Variants in ZFAT observed in about 807,000 individuals in gnomAD.
ZFAT encodes the protein zinc finger protein ZFAT.
A neutral mutation model predicts 117.7 loss-of-function variants in ZFAT; 64 were observed. The observed-to-expected ratio is 0.54, with a 90% confidence interval of 0.44 to 0.67. The LOEUF (loss-of-function observed/expected upper bound fraction) is 0.67. ZFAT is among the 30% of genes least tolerant of loss of function. The pLI is 0.00. For synonymous variants in ZFAT, 679 were observed against 615.0 expected, an observed-to-expected ratio of 1.10 and a Z score of -1.54; for missense variants, 1,433 against 1,584.5, an observed-to-expected ratio of 0.90 and a Z score of 1.62.
chr8:134,702,792 C>T (rs1834050685), intron 1 of ZFAT, among the ~76,000 whole-genome samples: 1 of 152,142 alleles, frequency 6.6e-6, no homozygotes, highest in Non-Finnish European at 1.5e-5. Flanking sequence ...CTGCCTCAGC[C>T]TCCCGAGTAG....
the ZFAT span, among the ~76,000 whole-genome samples, chr8:134,763,000 C>T: frequency 5.3e-4 from 80 of 152,262 alleles, no homozygotes; most frequent in Admixed American, 1.9e-3. Flanking sequence ...TATGGACTAC[C>T]ACAACAGTCT....
the ZFAT span, among the ~76,000 whole-genome samples, chr8:134,734,260 C>T: frequency 2.6e-5 from 4 of 152,238 alleles, no homozygotes; most frequent in Middle Eastern, 3.2e-3. Context: ...CCTCAGGATA[C>T]TCCTGCCACT....
chr8:134,575,974 C>T (rs1003842325), intron 10 of ZFAT, among the ~76,000 whole-genome samples: 25 of 152,160 alleles, frequency 1.6e-4, no homozygotes, highest in Non-Finnish European at 3.1e-4. Context: ...CCTGATGATT[C>T]TCTGTAATTA....
At chr8:134,668,879 T>C (rs1291335515) in intron 1 of ZFAT, among the ~76,000 whole-genome samples, 1 of 152,162 alleles carries the variant, frequency 6.6e-6, no homozygotes, top group Non-Finnish European at 1.5e-5. Flanking sequence ...AATGCCTAAC[T>C]AGAATAATGA....
At chr8:134,611,163 G>A (rs1586814290) in intron 3 of ZFAT, among the ~76,000 whole-genome samples, 1 of 152,226 alleles carries the variant, frequency 6.6e-6, no homozygotes, top group Non-Finnish European at 1.5e-5. Context: ...GGCAGTCCAG[G>A]GCAGTCTGCT....
At chr8:134,735,922 T>C in the ZFAT span, among the ~76,000 whole-genome samples, 15 of 152,188 alleles carry the variant, frequency 9.9e-5, no homozygotes, top group African/African-American at 3.1e-4. Context: ...CATTATTGAA[T>C]ATTACCTGTA....
intron 11 of ZFAT, among the ~76,000 whole-genome samples, chr8:134,535,474 TCTCCCCCTCCCCCTCCCC>T (rs1258416425): frequency 1.1e-5 from 1 of 95,078 alleles, no homozygotes; most frequent in Non-Finnish European, 2.1e-5. Flanking sequence ...CAGAGCTCCC[TCTCCCCCTCCCCCTCCCC>T]CTCCCCCTCC....
intron 13 of ZFAT, among the ~76,000 whole-genome samples, chr8:134,519,878 T>C (rs1485048665): frequency 6.6e-6 from 1 of 152,222 alleles, no homozygotes; most frequent in Non-Finnish European, 1.5e-5. Context: ...CTCTTTTTCA[T>C]CAGTGAACAC....
intron 2 of ZFAT, among the ~76,000 whole-genome samples, chr8:134,649,081 C>T (rs1428057441): frequency 1.3e-5 from 2 of 150,832 alleles, no homozygotes; most frequent in Admixed American, 1.3e-4. Context: ...AATCCAACAC[C>T]ATTTTATGAT....
rs567325809 is a variant in ZFAT, at chr8:134,512,355, G to A, written c.3361+120C>T. 306 of 1,439,976 alleles carry A rather than the reference G, an allele frequency of 2.1e-4. 1 individual carries two copies. The East Asian group carries it at 4.6e-3, about 22-fold the overall frequency. The allele number at this position is 1,439,976 out of a possible 1,614,324, so 89.2% of individuals were successfully genotyped here. On this transcript the variant is annotated intron_variant, in intron 14 of 15. Transcript: ENST00000377838. ...ATGGGGCTGCTTCTGCAGTCTGAACGCTGGGTCAGGGATTCGGAAGTAGAT... is the reference window on the plus strand; with the variant it reads ...ATGGGGCTGCTTCTGCAGTCTGAACACTGGGTCAGGGATTCGGAAGTAGAT...
At chr8:134,768,061 A>G in the ZFAT span, among the ~76,000 whole-genome samples, 1 of 152,162 alleles carries the variant, frequency 6.6e-6, no homozygotes. Context: ...TTCTGTATAT[A>G]GGCATACCTT....
the ZFAT span, chr8:134,804,937 TACA>T: frequency 1.9e-6 from 1 of 533,926 alleles, no homozygotes; most frequent in Non-Finnish European, 3.9e-6. Flanking sequence ...CGGGGATGTT[TACA>T]ACAACAGACT....
the ZFAT span, among the ~76,000 whole-genome samples, chr8:134,819,912 G>A: frequency 6.6e-6 from 1 of 152,036 alleles, no homozygotes; most frequent in East Asian, 1.9e-4. Flanking sequence ...CCAAGGTTTT[G>A]TTTCTTTAAA....
chr8:134,553,653 G>T (rs766722505), intron 11 of ZFAT, among the ~76,000 whole-genome samples: 7 of 152,214 alleles, frequency 4.6e-5, no homozygotes, highest in Non-Finnish European at 1.0e-4. Context: ...GTAGAGTCAG[G>T]ACAGTCCTGT....
intron 3 of ZFAT, among the ~76,000 whole-genome samples, chr8:134,636,275 C>A (rs1303630155): frequency 6.6e-6 from 1 of 152,114 alleles, no homozygotes; most frequent in African/African-American, 2.4e-5. Context: ...AACTAAAGGA[C>A]CCTAAACAAA....
intron 10 of ZFAT, among the ~76,000 whole-genome samples, chr8:134,576,802 T>G (rs775029981): frequency 6.6e-6 from 1 of 152,204 alleles, no homozygotes; most frequent in African/African-American, 2.4e-5. Flanking sequence ...CTAATTTCCA[T>G]ACTCAACTCT....
At chr8:134,805,162 A>G in the ZFAT span, among the ~76,000 whole-genome samples, 1 of 152,268 alleles carries the variant, frequency 6.6e-6, no homozygotes, top group African/African-American at 2.4e-5. Flanking sequence ...TACGCATTAC[A>G]AATTTATCTT....
At position 134,565,394 on chromosome 8, in the gene ZFAT, TCA is replaced by T; in HGVS notation, c.2913_2914del (p.Cys971Ter). ...CTGTGGCTTCTGGGCCGCTGTGTAG[TCA>T]CACACCGTGCACTTAAACTGCTTCC... is the stretch of plus-strand genomic sequence containing the variant. On this transcript the variant is annotated stop_gained and frameshift_variant, in exon 11 of 16. Transcript: ENST00000377838. LOFTEE classifies it high-confidence loss of function. 6.2e-7 allele frequency: 1 copy of T among 1,613,794 alleles called. No individual in the cohort carries two copies. The highest frequency in any genetic ancestry group is 8.5e-7 in the Non-Finnish European group (1 of 1,179,824).
chr8:134,794,714 T>G, the ZFAT span: 1 of 152,190 alleles, frequency 6.6e-6, no homozygotes, highest in Non-Finnish European at 1.5e-5. Context: ...TTCCATAGGA[T>G]CAAAACAAAA....
Sources: gnomAD v4.1 joint callset for allele counts (sites outside exome capture counted in the v4.1 genomes callset) on GRCh38, gnomAD v4.1.1 for gene constraint, MANE v1.5 for transcripts, NCBI Gene and HGNC (gene_info 2026-07-23, HGNC 2026-07-21) for gene names.